Variants in OSBPL5 observed in about 807,000 individuals in gnomAD.
OSBPL5 encodes the protein oxysterol-binding protein-related protein 5.
A neutral mutation model predicts 111.2 loss-of-function variants in OSBPL5; 71 were observed. The ratio of observed to expected loss-of-function variants is 0.64; its 90% confidence interval spans 0.53 to 0.78. The LOEUF is 0.78. Ranked by LOEUF, OSBPL5 falls within the 30% of genes least tolerant of loss-of-function variation. The probability of loss-of-function intolerance (pLI) is 0.00; values close to 1 mark genes in which losing one functional copy is unlikely to be tolerated. For missense variants in OSBPL5, 1,210 were observed against 1,189.3 expected (o/e 1.02, Z -0.26); for synonymous variants, 549 against 513.9 (o/e 1.07, Z -0.93).
chr11:3,159,303 T>C (rs545738134), intron 1 of OSBPL5, among the ~76,000 whole-genome samples: 1 of 152,240 alleles, frequency 6.6e-6, no homozygotes, highest in Admixed American at 6.5e-5. Context: ...CTTTGAGCAT[T>C]AATGCTAAGT....
chr11:3,150,174 T>G (rs1031459081), intron 1 of OSBPL5, among the ~76,000 whole-genome samples: 1 of 152,116 alleles, frequency 6.6e-6, no homozygotes, highest in Non-Finnish European at 1.5e-5. Context: ...GGCAGGAGGC[T>G]CCAGGCTAAG....
chr11:3,104,587 C>G lies in OSBPL5; in HGVS notation c.1060-210G>C, dbSNP rs971693656. Reference sequence around the variant, plus strand: ...GTCTCCACCCCACCCCTGGAGCACCCGCAGCCCAGGTCCAGGCCCGCTCCT... The same window carrying G: ...GTCTCCACCCCACCCCTGGAGCACCGGCAGCCCAGGTCCAGGCCCGCTCCT... On this transcript the variant is annotated intron_variant, in intron 9 of 21. Transcript: ENST00000263650. This position sits in a 1 kb window ranked among gnomAD's most constrained non-coding sequence, Gnocchi z 5.0. Among the ~76,000 whole-genome samples the G allele has an allele frequency of 6.6e-6, 1 of 152,178 alleles. No homozygotes were observed. The highest frequency in any genetic ancestry group is 2.1e-4 in the South Asian group (1 of 4,826).
chr11:3,121,899 A>C lies in OSBPL5; in HGVS notation c.402+98T>G. ...GATAACGGCTAGATGCAGGGAAGTG[A>C]ATTTCCATCGTTTCAGGCCACCTGG... On this transcript the variant is annotated intron_variant, in intron 5 of 21. Coordinates refer to ENST00000263650, the MANE Select transcript of OSBPL5 (RefSeq NM_020896.4). The surrounding 1 kb of genome is among the most constrained non-coding windows in gnomAD (Gnocchi z 4.3). 9.2e-7 allele frequency: 1 copy of C among 1,090,132 alleles called. No individual in the cohort carries two copies. 67.5% of individuals were successfully genotyped at this position (1,090,132 alleles called of 1,614,324 possible). A position where few individuals can be genotyped will look rare whatever the true frequency, so the allele number is the denominator to read the frequency against.
At chr11:3,122,814 G>A (rs552189019) in intron 3 of OSBPL5, among the ~76,000 whole-genome samples, 4 of 152,336 alleles carry the variant, frequency 2.6e-5, no homozygotes, top group South Asian at 2.1e-4. Context: ...CTGGGAGGCC[G>A]CTGAGGAAAG....
rs1216969227 is a variant in OSBPL5 at position 3,161,230 on chromosome 11, G to C, written c.-22+3986C>G. ...TTGTCTTCGTGTCAGCAGGGTGAGA[G>C]GGGATCTATGGACCAGTTAAGTCCA... On this transcript the variant is annotated intron_variant, in intron 1 of 21. Coordinates refer to ENST00000263650, the MANE Select transcript of OSBPL5 (RefSeq NM_020896.4). The surrounding 1 kb of genome is among the most constrained non-coding windows in gnomAD (Gnocchi z 8.0). 6.6e-6 allele frequency: 1 copy of C among 152,246 alleles called. No homozygotes were observed. The highest frequency in any genetic ancestry group is 1.5e-5 in the Non-Finnish European group (1 of 68,050). The allele number at this position is 152,246 out of a possible 1,614,324, so 9.4% of individuals were successfully genotyped here.
intron 1 of OSBPL5, among the ~76,000 whole-genome samples, chr11:3,134,701 G>A (rs1845904071): frequency 6.6e-6 from 1 of 152,272 alleles, no homozygotes; most frequent in Non-Finnish European, 1.5e-5. Flanking sequence ...GCTCTGAGCA[G>A]AGCCTCCTCT....
chr11:3,096,942 G>GGGAGCAGATGGGA (rs1397851529), intron 14 of OSBPL5, among the ~76,000 whole-genome samples: 2 of 147,296 alleles, frequency 1.4e-5, no homozygotes, highest in Non-Finnish European at 3.0e-5. Flanking sequence ...AGAGGAAAGA[G>GGGAGCAGATGGGA]GGAGGAGATG....
rs530573818 is a variant in OSBPL5 at position 3,112,331 on chromosome 11, T to A, written c.692-4386A>T. Among the ~76,000 whole-genome samples, 1,232 of 152,328 alleles carry A rather than the reference T, an allele frequency of 8.1e-3. 18 individuals are homozygous for A. The highest frequency in any genetic ancestry group is 0.028 in the African/African-American group (1,173 of 41,576). ...ATAGTTTATAGTAGCCTGGGGTTCC[T>A]TAAAGAAAATGGAGAGGGTGCCAGA... On this transcript the variant is annotated intron_variant, in intron 7 of 21. Coordinates refer to ENST00000263650, the MANE Select transcript of OSBPL5 (RefSeq NM_020896.4).
intron 7 of OSBPL5, 91 bp from the exon 8 acceptor site, chr11:3,108,036 G>A (rs1280717198): frequency 2.6e-5 from 39 of 1,486,580 alleles, no homozygotes; most frequent in Non-Finnish European, 3.2e-5. Context: ...CCCTCACTCT[G>A]ACTCTTCAGG....
rs535484742 is a variant in OSBPL5, at chr11:3,139,166, G to C, written c.-21-9997C>G. Among the ~76,000 whole-genome samples the C allele has an allele frequency of 1.1e-4, 17 of 152,344 alleles. No homozygotes were observed. In the East Asian group the frequency reaches 3.1e-3, roughly 28 times the overall value. On this transcript the variant is annotated intron_variant, in intron 1 of 21. Coordinates refer to ENST00000263650, the MANE Select transcript of OSBPL5 (RefSeq NM_020896.4). Reference sequence around the variant, plus strand: ...ACCACCACAGCTGTTCCCGTTCAGGGGACCCTGGGGTGACCATGAGGCAGT... The same window carrying C: ...ACCACCACAGCTGTTCCCGTTCAGGCGACCCTGGGGTGACCATGAGGCAGT...
chr11:3,149,103 A>C (rs1846473487), intron 1 of OSBPL5, among the ~76,000 whole-genome samples: 1 of 152,162 alleles, frequency 6.6e-6, no homozygotes, highest in Admixed American at 6.5e-5. Flanking sequence ...AGCCACCTCC[A>C]GGCCACTCCA....
intron 19 of OSBPL5, 99 bp from the exon 20 acceptor site, chr11:3,090,795 G>A (rs1467139330): frequency 7.0e-7 from 1 of 1,437,824 alleles, no homozygotes; most frequent in Admixed American, 2.4e-5. Context: ...AGTGCTAGAG[G>A]TGGCAGCCAG....
In OSBPL5 at chr11:3,107,778, G is replaced by A. The variant is rs1287982429; in HGVS notation, c.859C>T (p.Leu287=). ...ASATVHPDQD[L]FPLNGSSLEN... ...TGCCCTCGCCCCACTCACGGGAACAGGTCTTGGTCTGGGTGGACGGTGGCT... is the reference window on the plus strand; with the variant it reads ...TGCCCTCGCCCCACTCACGGGAACAAGTCTTGGTCTGGGTGGACGGTGGCT... Residue 287 remains leucine (L), a synonymous_variant, in exon 8 of 22, where the codon CTG becomes TTG. Transcript: ENST00000263650. The surrounding 1 kb of genome is among the most constrained non-coding windows in gnomAD (Gnocchi z 6.1). 1 of 1,612,140 alleles carries A rather than the reference G, an allele frequency of 6.2e-7. No individual in the cohort carries two copies. The highest frequency in any genetic ancestry group is 8.5e-7 in the Non-Finnish European group (1 of 1,179,946).
Position 3,119,541 on chromosome 11 carries a change from AC to A in OSBPL5, c.691+5del. The stretch of plus-strand genomic sequence containing the variant: ...TGGGGAGATGCGCAAGCTGGCAGGG[AC>A]TCACCATCTGACTCGGAGGCGGCCC... On this transcript the variant is annotated splice_donor_5th_base_variant and intron_variant, in intron 7 of 21. Transcript: ENST00000263650. 6.4e-7 allele frequency: 1 copy of A among 1,570,726 alleles called. No homozygotes were observed. The highest frequency in any genetic ancestry group is 8.6e-7 in the Non-Finnish European group (1 of 1,163,426).
chr11:3,100,243 C>G lies in OSBPL5; in HGVS notation c.1536G>C (p.Ser512=). Residue 512 remains serine, a synonymous_variant, in exon 14 of 22, where the codon TCG becomes TCC. Coordinates refer to ENST00000263650, the MANE Select transcript of OSBPL5 (RefSeq NM_020896.4). ...AKSRFYGNSL[S]ALLDGKATLT... is the part of the protein sequence containing the mutation. ...GCGTGGCTTTGCCGTCCAGCAGCGC[C>G]GACAGCGAGTTCCCTGCAGAGACAA... 2.5e-6 allele frequency: 4 copies of G among 1,614,020 alleles called. No individual in the cohort carries two copies. Among genetic ancestry groups the G allele is most frequent in the Non-Finnish European group, 2.5e-6 (3 of 1,179,982 alleles).
At position 3,134,221 on chromosome 11, in the gene OSBPL5, T is replaced by C. The variant is rs551748221; in HGVS notation, c.-21-5052A>G. Among the ~76,000 whole-genome samples the C allele has an allele frequency of 7.2e-5, 11 of 152,320 alleles. No homozygotes were observed. In the South Asian group the frequency reaches 1.0e-3, roughly 14 times the overall value. Reference sequence around the variant, plus strand: ...CAGATGCTGGGTCGCCTCGTGGGCCTCCTGCTGTCACCAGACAGGACAGGA... The same window carrying C: ...CAGATGCTGGGTCGCCTCGTGGGCCCCCTGCTGTCACCAGACAGGACAGGA... On this transcript the variant is annotated intron_variant, in intron 1 of 21. Coordinates refer to ENST00000263650, the MANE Select transcript of OSBPL5 (RefSeq NM_020896.4).
chr11:3,147,073 C>A (rs1173176456), intron 1 of OSBPL5, among the ~76,000 whole-genome samples: 7 of 151,088 alleles, frequency 4.6e-5, no homozygotes, highest in South Asian at 2.1e-4. Context: ...ACCCTCACGT[C>A]CTGGGCTTCA....
chr11:3,149,752 T>C (rs1214533752), intron 1 of OSBPL5, among the ~76,000 whole-genome samples: 2 of 152,178 alleles, frequency 1.3e-5, no homozygotes, highest in Admixed American at 1.3e-4. Flanking sequence ...GACCCCCCCG[T>C]CACTGACCAG....
At chr11:3,088,385 C>T in intron 21 of OSBPL5, 42 bp from the exon 22 acceptor site, 1 of 1,472,432 alleles carries the variant, frequency 6.8e-7, no homozygotes, top group Non-Finnish European at 9.0e-7. Flanking sequence ...GTGCCAATGC[C>T]AGCAAGTCCC....
Sources: allele counts gnomAD v4.1 joint callset (sites outside exome capture counted in the v4.1 genomes callset), GRCh38; gene constraint gnomAD v4.1.1; non-coding constraint Gnocchi (gnomAD v3.1); transcripts MANE v1.5; gene names NCBI Gene and HGNC (gene_info 2026-07-23, HGNC 2026-07-21).